Variants in THAP4 observed in about 807,000 individuals in gnomAD.
THAP4 encodes the protein peroxynitrite isomerase THAP4.
Under a neutral mutation model 48.1 loss-of-function variants are expected in THAP4, and 18 were observed. That is an observed-to-expected ratio of 0.37 (90% CI 0.26 to 0.56). THAP4 has a LOEUF of 0.56. Among genes scored for constraint, THAP4 ranks in the 20% least tolerant of loss-of-function variants. THAP4 has a pLI of 0.78. For missense variants in THAP4, 656 were observed against 774.9 expected (o/e 0.85, Z 1.82); for synonymous variants, 345 against 324.9 (o/e 1.06, Z -0.66).
intron 5 of THAP4, among the ~76,000 whole-genome samples, chr2:241,586,332 A>G (rs1031298017): frequency 6.6e-6 from 1 of 151,780 alleles, no homozygotes; most frequent in Non-Finnish European, 1.5e-5. Flanking sequence ...TCCCAGGAGT[A>G]AGAGTTAACC....
At chr2:241,606,840 A>G (rs1028349712) in intron 2 of THAP4, among the ~76,000 whole-genome samples, 1 of 152,222 alleles carries the variant, frequency 6.6e-6, no homozygotes, top group Admixed American at 6.5e-5. Context: ...AGTTAAGAAT[A>G]TGAGAACCAC....
At chr2:241,586,239 AGAGC>A in intron 5 of THAP4, among the ~76,000 whole-genome samples, 1 of 147,342 alleles carries the variant, frequency 6.8e-6, no homozygotes, top group African/African-American at 2.5e-5. Flanking sequence ...CCTGAGCAAC[AGAGC>A]GAGACTCCAT....
chr2:241,590,877 G>A (rs1340509549), intron 5 of THAP4, among the ~76,000 whole-genome samples: 3 of 142,326 alleles, frequency 2.1e-5, no homozygotes, highest in African/African-American at 5.1e-5. Flanking sequence ...AGAACTGCCC[G>A]GCTGACGATG....
chr2:241,609,523 G>C (rs2067235699), intron 2 of THAP4, among the ~76,000 whole-genome samples: 1 of 152,180 alleles, frequency 6.6e-6, no homozygotes, highest in South Asian at 2.1e-4. Flanking sequence ...ATGGCTCACT[G>C]AACCTGTAAT....
At chr2:241,631,760 T>C (rs2067564280) in intron 2 of THAP4, among the ~76,000 whole-genome samples, 1 of 152,230 alleles carries the variant, frequency 6.6e-6, no homozygotes, top group South Asian at 2.1e-4. Context: ...CTACTGTGCC[T>C]GGCTTACACA....
intron 1 of THAP4, among the ~76,000 whole-genome samples, chr2:241,634,630 C>A (rs936147694): frequency 6.6e-6 from 1 of 152,252 alleles, no homozygotes; most frequent in African/African-American, 2.4e-5. Flanking sequence ...TGCATGCCCA[C>A]CTCCAGGAGT....
intron 1 of THAP4, among the ~76,000 whole-genome samples, chr2:241,635,527 G>A (rs2067625373): frequency 1.3e-5 from 2 of 152,324 alleles, no homozygotes; most frequent in South Asian, 2.1e-4. Context: ...GGCCGAGGCG[G>A]GTGGATCACT....
At chr2:241,584,956 G>A in intron 5 of THAP4, 1 of 560,086 alleles carries the variant, frequency 1.8e-6, no homozygotes, top group Non-Finnish European at 3.2e-6. Context: ...TTATTTAGAA[G>A]TCACCTTTTT....
At chr2:241,623,759 T>G (rs2067463243) in intron 2 of THAP4, among the ~76,000 whole-genome samples, 2 of 152,066 alleles carry the variant, frequency 1.3e-5, no homozygotes. Flanking sequence ...GGACCAATTC[T>G]CTGAAAGATA....
chr2:241,602,277 C>A, intron 4 of THAP4: 1 of 486,234 alleles, frequency 2.1e-6, no homozygotes, highest in Non-Finnish European at 3.7e-6. Context: ...GGCAGAACCA[C>A]CCCTAGCACA....
intron 2 of THAP4, among the ~76,000 whole-genome samples, chr2:241,628,564 G>T (rs561909125): frequency 1.9e-4 from 29 of 151,698 alleles, no homozygotes; most frequent in Non-Finnish European, 3.4e-4. Flanking sequence ...CTCCAGCATT[G>T]CTACCACCGC....
intron 5 of THAP4, chr2:241,592,243 C>G (rs553043305): frequency 1.3e-5 from 2 of 152,392 alleles, no homozygotes; most frequent in South Asian, 4.1e-4. Context: ...GGACCTGCCT[C>G]GTCTCAGGGC....
intron 5 of THAP4, among the ~76,000 whole-genome samples, chr2:241,593,014 G>A (rs140181587): frequency 0.011 from 1,703 of 152,234 alleles, 31 homozygotes; most frequent in African/African-American, 0.039. Flanking sequence ...AAGCTGAGGC[G>A]GGTTGATCAC....
intron 2 of THAP4, among the ~76,000 whole-genome samples, chr2:241,607,447 CA>C (rs761284710): frequency 1.1e-4 from 16 of 151,908 alleles, no homozygotes; most frequent in South Asian, 2.1e-4. Context: ...TGCTACCCAT[CA>C]GGGGCGCTGG....
intron 2 of THAP4, among the ~76,000 whole-genome samples, chr2:241,628,741 AAAAAAAC>A (rs1172079282): frequency 6.6e-6 from 1 of 150,954 alleles, no homozygotes; most frequent in Non-Finnish European, 1.5e-5. Context: ...CTCTACAAAA[AAAAAAAC>A]AAAAAACAAA....
chr2:241,632,825 CT>C, intron 2 of THAP4, 91 bp downstream of exon 2: 1 of 1,019,392 alleles, frequency 9.8e-7, no homozygotes, highest in Non-Finnish European at 1.4e-6. Flanking sequence ...CTTGTGACAC[CT>C]CCCAGAAATG....
intron 2 of THAP4, among the ~76,000 whole-genome samples, chr2:241,618,142 T>C (rs1487412497): frequency 1.3e-5 from 2 of 152,290 alleles, no homozygotes; most frequent in Admixed American, 1.3e-4. Context: ...AGGAACACCG[T>C]GATATGTTTG....
At chr2:241,591,096 CAGACAGA>C (rs2066970752) in intron 5 of THAP4, among the ~76,000 whole-genome samples, 1 of 147,016 alleles carries the variant, frequency 6.8e-6, no homozygotes, top group Admixed American at 6.8e-5. Flanking sequence ...GGCACTAGGA[CAGACAGA>C]ACTGCCAGGC....
At chr2:241,625,749 G>A (rs541009661) in intron 2 of THAP4, among the ~76,000 whole-genome samples, 13 of 118,784 alleles carry the variant, frequency 1.1e-4, no homozygotes, top group Non-Finnish European at 1.9e-4. Flanking sequence ...AGTGAGCTGA[G>A]ATCGTGCCAC....
Sources: allele counts gnomAD v4.1 joint callset (sites outside exome capture counted in the v4.1 genomes callset), GRCh38; gene constraint gnomAD v4.1.1; transcripts MANE v1.5; gene names NCBI Gene and HGNC (gene_info 2026-07-23, HGNC 2026-07-21).